The following EGF variants were observed in gnomAD, a reference collection of about 807,000 sequenced individuals.
EGF encodes epidermal growth factor.
EGF carries 95 observed loss-of-function variants against 143.8 expected under a neutral mutation model. That is an observed-to-expected ratio of 0.66 (90% CI 0.56 to 0.78). The LOEUF (loss-of-function observed/expected upper bound fraction) is 0.78, where lower values mean the gene tolerates loss of function less well. Among genes scored for constraint, EGF ranks in the 30% least tolerant of loss-of-function variants. EGF has a pLI of 0.00. For synonymous variants in EGF, 510 were observed against 510.5 expected (o/e 1.00, Z 0.01); for missense variants, 1,320 against 1,470.9 (o/e 0.90, Z 1.68).
chr4:109,969,606 A>C (rs75104514), intron 11 of EGF, among the ~76,000 whole-genome samples: 2,361 of 148,758 alleles, frequency 0.016, 53 homozygotes, highest in African/African-American at 0.054. Context: ...ATATAATAAT[A>C]AAAAAAAAAG....
chr4:109,989,284 G>C (rs1414318920), intron 18 of EGF, among the ~76,000 whole-genome samples: 3 of 152,182 alleles, frequency 2.0e-5, no homozygotes, highest in Non-Finnish European at 4.4e-5. Context: ...GGTGTGGCAC[G>C]TTGGATTGGG....
intron 5 of EGF, among the ~76,000 whole-genome samples, chr4:109,947,575 T>G (rs561960475): frequency 6.6e-6 from 1 of 151,990 alleles, no homozygotes; most frequent in South Asian, 2.1e-4. Flanking sequence ...GTAGATAGTC[T>G]ACATATAAAG....
At position 109,970,773 on chromosome 4, in the gene EGF, G is replaced by A. The variant is rs183012738; in HGVS notation, c.1724+1654G>A. Among the ~76,000 whole-genome samples the A allele has an allele frequency of 8.3e-5, 12 of 144,150 alleles. 1 individual carries two copies. Among genetic ancestry groups the A allele is most frequent in the East Asian group, 4.5e-4 (2 of 4,398 alleles). 94.6% of individuals were successfully genotyped at this position (144,150 alleles called of 152,430 possible). A position where few individuals can be genotyped will look rare whatever the true frequency, so the allele number is the denominator to read the frequency against. ...CTGGAAGGCGGAGCTTGCAGTGAGC[G>A]GAGATCGCACCACTGCACTCCAGCC... On this transcript the variant is annotated intron_variant, in intron 11 of 23. Coordinates refer to ENST00000265171, the MANE Select transcript of EGF (RefSeq NM_001963.6).
At chr4:109,942,262 A>G (rs1302982392) in intron 2 of EGF, among the ~76,000 whole-genome samples, 3 of 152,228 alleles carry the variant, frequency 2.0e-5, no homozygotes, top group African/African-American at 7.2e-5. Flanking sequence ...TTCCATCCTT[A>G]TATTCCTTCC....
At chr4:109,981,491 G>T (rs993160880) in intron 15 of EGF, among the ~76,000 whole-genome samples, 1 of 152,176 alleles carries the variant, frequency 6.6e-6, no homozygotes, top group East Asian at 1.9e-4. Context: ...GGAAGAGGAA[G>T]AGTAAACCAA....
At chr4:109,934,408 G>A (rs560857670) in intron 1 of EGF, among the ~76,000 whole-genome samples, 14 of 152,250 alleles carry the variant, frequency 9.2e-5, no homozygotes, top group Non-Finnish European at 1.6e-4. Context: ...TTATGGGGTT[G>A]TTTGGTTTTT....
At chr4:109,935,265 G>A (rs931572699) in intron 1 of EGF, among the ~76,000 whole-genome samples, 1 of 151,998 alleles carries the variant, frequency 6.6e-6, no homozygotes, top group Non-Finnish European at 1.5e-5. Flanking sequence ...TCTCCTTGAA[G>A]AGGTTCTTCA....
rs761675450 is a variant in EGF at position 109,943,264 on chromosome 4, A to T, written c.338A>T (p.Asn113Ile). 3 of 1,604,734 alleles carry T rather than the reference A, an allele frequency of 1.9e-6. No individual in the cohort carries two copies. Among genetic ancestry groups the T allele is most frequent in the Non-Finnish European group, 2.6e-6 (3 of 1,175,460 alleles). ...AATTTGATTTTGCAGAGAGTATGTA[A>T]TATAGAGAAAAATGTTTCTGGAATG... ...LNGSRQERVC[N>I]IEKNVSGMAI... Residue 113 changes from asparagine to isoleucine, a missense_variant, in exon 3 of 24, where the codon AAT (asparagine) becomes ATT (isoleucine). This residue lies in a region of EGF where 41 missense variants were observed against 38.1 expected (regional missense o/e 1.07). Coordinates refer to ENST00000265171, the MANE Select transcript of EGF (RefSeq NM_001963.6).
chr4:110,004,905 G>A (rs1753052976), intron 22 of EGF, among the ~76,000 whole-genome samples: 1 of 151,872 alleles, frequency 6.6e-6, no homozygotes, highest in Admixed American at 6.6e-5. Flanking sequence ...CTATAACTTA[G>A]ATTTGTATGT....
At chr4:109,948,365 C>T (rs893177804) in intron 5 of EGF, among the ~76,000 whole-genome samples, 1 of 152,196 alleles carries the variant, frequency 6.6e-6, no homozygotes, top group African/African-American at 2.4e-5. Context: ...GAGCTCTTTA[C>T]CTGTGATGTA....
chr4:109,960,437 G>C (rs1475852982), intron 6 of EGF, among the ~76,000 whole-genome samples: 1 of 152,206 alleles, frequency 6.6e-6, no homozygotes, highest in Non-Finnish European at 1.5e-5. Flanking sequence ...TTGAGTCCCA[G>C]AGTTCAAGAT....
intron 18 of EGF, among the ~76,000 whole-genome samples, chr4:109,990,042 T>C (rs1750713102): frequency 6.6e-6 from 1 of 152,216 alleles, no homozygotes; most frequent in Non-Finnish European, 1.5e-5. Flanking sequence ...TTGAGTTTCT[T>C]GGTCAAGCAT....
intron 5 of EGF, among the ~76,000 whole-genome samples, chr4:109,952,686 T>G (rs1247166829): frequency 6.6e-6 from 1 of 152,244 alleles, no homozygotes; most frequent in Non-Finnish European, 1.5e-5. Context: ...GCTATCTTTC[T>G]TAGCATCATT....
intron 14 of EGF, 73 bp downstream of exon 14, chr4:109,980,212 C>T: frequency 6.8e-7 from 1 of 1,466,006 alleles, no homozygotes; most frequent in East Asian, 2.4e-5. Flanking sequence ...TGATGTCATG[C>T]AGTTGGCGGG....
chr4:110,011,580 A>G lies in EGF; in HGVS notation c.*125A>G, dbSNP rs527907587. On this transcript the variant is annotated 3_prime_UTR_variant, in exon 24 of 24. Transcript: ENST00000265171. ...ATCTCTACGACTAATCACCTACTCA[A>G]TGCCTGGAGACAGATACGTAGTTGT... 5.0e-6 allele frequency: 7 copies of G among 1,395,300 alleles called. No homozygotes were observed. The highest frequency in any genetic ancestry group is 3.7e-5 in the South Asian group (3 of 81,806). The allele number at this position is 1,395,300 out of a possible 1,614,324, so 86.4% of individuals were successfully genotyped here.
chr4:109,965,040 A>T (rs1161571789), intron 10 of EGF, among the ~76,000 whole-genome samples: 2 of 152,160 alleles, frequency 1.3e-5, no homozygotes, highest in Non-Finnish European at 2.9e-5. Context: ...TGAGAATGGC[A>T]ATCTAACTAA....
intron 16 of EGF, among the ~76,000 whole-genome samples, chr4:109,986,189 A>G (rs1750083973): frequency 6.6e-6 from 1 of 152,150 alleles, no homozygotes; most frequent in East Asian, 1.9e-4. Flanking sequence ...CTGCATAACT[A>G]TTGCTTTTCA....
At chr4:109,920,095 T>C (rs1448328278) in intron 1 of EGF, among the ~76,000 whole-genome samples, 2 of 151,638 alleles carry the variant, frequency 1.3e-5, no homozygotes. Context: ...TTTTAATCCA[T>C]ACAGAGTTAA....
intron 13 of EGF, among the ~76,000 whole-genome samples, chr4:109,977,947 C>A (rs1748757881): frequency 6.6e-6 from 1 of 152,182 alleles, no homozygotes; most frequent in South Asian, 2.1e-4. Context: ...TGTGAGGACA[C>A]TATATTTTAA....
Sources: gnomAD v4.1 joint callset for allele counts (sites outside exome capture counted in the v4.1 genomes callset) on GRCh38, gnomAD v4.1.1 for gene constraint, gnomAD v4.1.1 regional missense constraint, MANE v1.5 for transcripts, NCBI Gene and HGNC (gene_info 2026-07-23, HGNC 2026-07-21) for gene names.